Variants in TYW1B observed in about 807,000 individuals in gnomAD.
TYW1B encodes the protein S-adenosyl-L-methionine-dependent tRNA 4-demethylwyosine synthase TYW1B.
TYW1B carries 73 observed loss-of-function variants against 86.9 expected under a neutral mutation model. That is an observed-to-expected ratio of 0.84 (90% CI 0.70 to 1.02). The LOEUF (loss-of-function observed/expected upper bound fraction) is 1.02. Among genes scored for constraint, TYW1B ranks in the 50% least tolerant of loss-of-function variants. The pLI, the probability that TYW1B is intolerant of heterozygous loss-of-function variation, is 0.00. For synonymous variants in TYW1B, 248 were observed against 292.8 expected, an observed-to-expected ratio of 0.85 and a Z score of 1.56; for missense variants, 637 against 827.4, an observed-to-expected ratio of 0.77 and a Z score of 2.82.
intron 11 of TYW1B, among the ~76,000 whole-genome samples, chr7:72,684,888 A>C (rs1813968996): frequency 6.6e-6 from 1 of 152,124 alleles, no homozygotes; most frequent in Non-Finnish European, 1.5e-5. Flanking sequence ...AGGAAGGCGG[A>C]TCACTTGAGG....
At chr7:72,805,778 G>C (rs558748757) in intron 5 of TYW1B, among the ~76,000 whole-genome samples, 8 of 152,132 alleles carry the variant, frequency 5.3e-5, no homozygotes, top group Non-Finnish European at 1.0e-4. Flanking sequence ...AGGCCAGGGT[G>C]CTAGACAGAT....
At chr7:72,606,255 G>A (rs1432735939) in intron 13 of TYW1B, among the ~76,000 whole-genome samples, 2 of 151,916 alleles carry the variant, frequency 1.3e-5, no homozygotes, top group African/African-American at 4.8e-5. Context: ...GAACAGGGCA[G>A]CCTAGGAAGA....
At chr7:72,790,388 C>T (rs1330249427) in intron 6 of TYW1B, among the ~76,000 whole-genome samples, 1 of 152,120 alleles carries the variant, frequency 6.6e-6, no homozygotes, top group Non-Finnish European at 1.5e-5. Context: ...AGACTGAGCC[C>T]TACCACAGAG....
At chr7:72,722,615 A>G (rs564793425) in intron 9 of TYW1B, among the ~76,000 whole-genome samples, 5 of 152,334 alleles carry the variant, frequency 3.3e-5, no homozygotes, top group Admixed American at 3.3e-4. Context: ...AAATAACTGA[A>G]AAGACAATGA....
intron 11 of TYW1B, among the ~76,000 whole-genome samples, chr7:72,653,344 C>T (rs1429583129): frequency 6.6e-6 from 1 of 152,212 alleles, no homozygotes; most frequent in Non-Finnish European, 1.5e-5. Context: ...CAGTGGCTCA[C>T]GCCTGTAATC....
At chr7:72,766,655 A>C (rs1166674293) in intron 7 of TYW1B, among the ~76,000 whole-genome samples, 1 of 142,732 alleles carries the variant, frequency 7.0e-6, no homozygotes, top group Non-Finnish European at 1.5e-5. Context: ...GGCCAGGCGC[A>C]GTGGCTCACA....
intron 9 of TYW1B, among the ~76,000 whole-genome samples, chr7:72,727,326 C>T (rs1266899140): frequency 1.3e-5 from 2 of 152,028 alleles, no homozygotes; most frequent in African/African-American, 4.8e-5. Context: ...TTAATGGTTG[C>T]ATATGACGGA....
rs574375388 is a variant in TYW1B at position 72,584,031 on chromosome 7, G to A, written c.1786-8312C>T. ...TCTTTCAAATATTTCTCAAGGAAAC[G>A]GCAAAGAGAGGCTTTTTGTTTTGTT... On this transcript the variant is annotated intron_variant, in intron 13 of 13. Coordinates refer to ENST00000620995, the MANE Select transcript of TYW1B (RefSeq NM_001145440.3). 2.2e-3 allele frequency among the ~76,000 whole-genome samples: 317 copies of A among 146,018 alleles called. 2 individuals are homozygous for A. Among genetic ancestry groups the A allele is most frequent in the East Asian group, 1.6e-3 (8 of 5,110 alleles).
intron 9 of TYW1B, among the ~76,000 whole-genome samples, chr7:72,714,426 G>T (rs1455237313): frequency 6.6e-6 from 1 of 151,576 alleles, no homozygotes; most frequent in Admixed American, 6.6e-5. Context: ...AAACTAGCCT[G>T]GGCAATATAG....
intron 9 of TYW1B, among the ~76,000 whole-genome samples, chr7:72,714,208 T>C (rs1487253364): frequency 6.6e-6 from 1 of 152,100 alleles, no homozygotes; most frequent in Non-Finnish European, 1.5e-5. Context: ...ATGTAGTTGG[T>C]CCAAAGCTGT....
At chr7:72,799,535 G>A (rs545705583) in intron 6 of TYW1B, among the ~76,000 whole-genome samples, 5 of 150,670 alleles carry the variant, frequency 3.3e-5, no homozygotes, top group Non-Finnish European at 7.4e-5. Flanking sequence ...GCGCGATCTC[G>A]GCTCACTACA....
At chr7:72,662,111 C>T (rs189312612) in intron 11 of TYW1B, among the ~76,000 whole-genome samples, 1 of 152,168 alleles carries the variant, frequency 6.6e-6, no homozygotes, top group Admixed American at 6.5e-5. Context: ...ACAAATGGAC[C>T]TACAACCTGG....
intron 7 of TYW1B, among the ~76,000 whole-genome samples, chr7:72,747,163 C>T (rs1469124296): frequency 3.3e-5 from 5 of 152,128 alleles, no homozygotes; most frequent in Admixed American, 3.3e-4. Context: ...CCCAGAATTC[C>T]CACGTGTTGT....
chr7:72,706,127 C>G (rs1190142903), intron 10 of TYW1B, among the ~76,000 whole-genome samples: 1 of 152,134 alleles, frequency 6.6e-6, no homozygotes, highest in Non-Finnish European at 1.5e-5. Flanking sequence ...GCATATGAAA[C>G]ACACATGAAT....
At chr7:72,615,175 T>C (rs1812039185) in intron 13 of TYW1B, among the ~76,000 whole-genome samples, 1 of 152,234 alleles carries the variant, frequency 6.6e-6, no homozygotes, top group Non-Finnish European at 1.5e-5. Context: ...TTGGCTTGAA[T>C]GAGATGGTTT....
intron 3 of TYW1B, among the ~76,000 whole-genome samples, chr7:72,814,137 A>G (rs1788677036): frequency 1.3e-5 from 2 of 152,096 alleles, no homozygotes; most frequent in Non-Finnish European, 2.9e-5. Flanking sequence ...ATGGCCTACC[A>G]GCATAGCACA....
rs569587717 is a variant in TYW1B at position 72,696,101 on chromosome 7, C to G, written c.1371-1279G>C. 1.4e-3 allele frequency among the ~76,000 whole-genome samples: 220 copies of G among 152,142 alleles called. 1 individual carries two copies. The highest frequency in any genetic ancestry group is 5.1e-3 in the African/African-American group (210 of 41,522). On this transcript the variant is annotated intron_variant, in intron 10 of 13. Transcript: ENST00000620995. ...TAGCTGGGATTACAGGTGTACCCTG[C>G]CACATCCGGCTAATTTTTGTATTTT...
chr7:72,795,600 T>TTTGG (rs1788292509), intron 6 of TYW1B, among the ~76,000 whole-genome samples: 1 of 151,208 alleles, frequency 6.6e-6, no homozygotes, highest in Non-Finnish European at 1.5e-5. Context: ...TGATGCTAAA[T>TTTGG]TTGGTTGGTT....
intron 11 of TYW1B, among the ~76,000 whole-genome samples, chr7:72,687,066 T>C (rs1554449568): frequency 6.6e-6 from 1 of 152,184 alleles, no homozygotes; most frequent in Non-Finnish European, 1.5e-5. Flanking sequence ...ACTAAACATA[T>C]GCTTTTTTAA....
Sources: gnomAD v4.1 joint callset for allele counts (sites outside exome capture counted in the v4.1 genomes callset) on GRCh38, gnomAD v4.1.1 for gene constraint, MANE v1.5 for transcripts, NCBI Gene and HGNC (gene_info 2026-07-23, HGNC 2026-07-21) for gene names.